ARID4A: variants seen among roughly 807,000 people sequenced by gnomAD.
The protein encoded by ARID4A is AT-rich interaction domain 4A.
In ARID4A, 39 loss-of-function variants were observed where a neutral mutation model predicts 148.6. That is an observed-to-expected ratio of 0.26 (90% CI 0.20 to 0.34). The LOEUF (loss-of-function observed/expected upper bound fraction) is 0.34, where lower values mean the gene tolerates loss of function less well. Ranked by LOEUF, ARID4A falls within the 10% of genes least tolerant of loss-of-function variation. The probability of loss-of-function intolerance (pLI) is 1.00; values close to 1 mark genes in which losing one functional copy is unlikely to be tolerated. For synonymous variants in ARID4A, 475 were observed against 481.2 expected (o/e 0.99, Z 0.17); for missense variants, 1,265 against 1,449.1 (o/e 0.87, Z 2.06).
chr14:58,355,894 C>T (rs187359176), intron 17 of ARID4A, among the ~76,000 whole-genome samples: 2 of 152,250 alleles, frequency 1.3e-5, no homozygotes, highest in East Asian at 3.9e-4. Context: ...CTTTATGACT[C>T]TTCTCAGCAG....
chr14:58,333,111 T>A (rs1042982621), intron 11 of ARID4A, among the ~76,000 whole-genome samples: 1 of 152,064 alleles, frequency 6.6e-6, no homozygotes, highest in Non-Finnish European at 1.5e-5. Context: ...AAGATATAGA[T>A]CTCATGCTGT....
chr14:58,309,225 A>C (rs756369169), intron 5 of ARID4A, among the ~76,000 whole-genome samples: 2 of 152,168 alleles, frequency 1.3e-5, no homozygotes, highest in African/African-American at 2.4e-5. Context: ...AAGCAGTCTT[A>C]CCGCCTTAGC....
At chr14:58,321,505 A>C (rs1284394050) in intron 7 of ARID4A, among the ~76,000 whole-genome samples, 1 of 152,146 alleles carries the variant, frequency 6.6e-6, no homozygotes, top group Non-Finnish European at 1.5e-5. Flanking sequence ...ACCTTCTGGC[A>C]TGACAAGGTA....
intron 5 of ARID4A, among the ~76,000 whole-genome samples, chr14:58,309,743 G>GT (rs897304784): frequency 6.6e-6 from 1 of 152,176 alleles, no homozygotes; most frequent in Non-Finnish European, 1.5e-5. Context: ...CATTTATCAA[G>GT]TTTAGCACTA....
chr14:58,311,906 CAG>C (rs1259981879), intron 5 of ARID4A, among the ~76,000 whole-genome samples: 1 of 61,560 alleles, frequency 1.6e-5, no homozygotes, highest in Non-Finnish European at 2.9e-5. Context: ...TGTTGGTTAT[CAG>C]GGGTGGGGGC....
At chr14:58,348,542 TCTTTC>T (rs2034483960) in intron 15 of ARID4A, among the ~76,000 whole-genome samples, 1 of 152,232 alleles carries the variant, frequency 6.6e-6, no homozygotes, top group African/African-American at 2.4e-5. Flanking sequence ...CTTTGCTCCT[TCTTTC>T]CTTTAATATA....
chr14:58,331,302 G>C (rs1426353028), intron 11 of ARID4A: 2 of 152,244 alleles, frequency 1.3e-5, no homozygotes, highest in Non-Finnish European at 2.9e-5. Flanking sequence ...AGGTTTGCCA[G>C]ATGCTTTGAA....
At chr14:58,319,378 G>A (rs1219583185) in intron 7 of ARID4A, among the ~76,000 whole-genome samples, 3 of 151,648 alleles carry the variant, frequency 2.0e-5, no homozygotes, top group Non-Finnish European at 2.9e-5. Context: ...GAGCCACTGC[G>A]CCAGGCCCAA....
Position 58,359,114 on chromosome 14 carries a change from T to A in ARID4A, c.1854-18T>A, listed in dbSNP as rs1472640314. The A allele has an allele frequency of 2.6e-6, 4 of 1,519,400 alleles. No homozygotes were observed. The highest frequency in any genetic ancestry group is 1.4e-5 in the African/African-American group (1 of 69,968). 94.1% of individuals were successfully genotyped at this position (1,519,400 alleles called of 1,614,324 possible). A position where few individuals can be genotyped will look rare whatever the true frequency, so the allele number is the denominator to read the frequency against. On this transcript the variant is annotated intron_variant, in intron 17 of 23. Coordinates refer to ENST00000355431, the MANE Select transcript of ARID4A (RefSeq NM_002892.4). ...ATAAAGTTTGTACAAACTCTTTTTT[T>A]TTTTTTTTTTTTTTAAGGTATGATG... is the stretch of plus-strand genomic sequence containing the variant.
chr14:58,356,859 G>A (rs2034891264), intron 17 of ARID4A, among the ~76,000 whole-genome samples: 1 of 151,918 alleles, frequency 6.6e-6, no homozygotes, highest in Non-Finnish European at 1.5e-5. Context: ...ACGCCACCAT[G>A]CCCAGCTAAT....
In ARID4A at chr14:58,347,684, A is replaced by T. The variant is rs139221235; in HGVS notation, c.1210A>T (p.Asn404Tyr). 1 of 1,612,312 alleles carries T rather than the reference A, an allele frequency of 6.2e-7. No individual in the cohort carries two copies. Among genetic ancestry groups the T allele is most frequent in the East Asian group, 2.2e-5 (1 of 44,810 alleles). Reference protein sequence around the residue: ...YGFEEYCRSANIQFRTVHHHE... With the variant: ...YGFEEYCRSAYIQFRTVHHHE... ...TTTTGAGGAGTACTGCCGTTCGGCAAATATTCAGTTCAGAACTGTTCATCA... is the reference window on the plus strand; with the variant it reads ...TTTTGAGGAGTACTGCCGTTCGGCATATATTCAGTTCAGAACTGTTCATCA... Residue 404 changes from asparagine to tyrosine, a missense_variant, in exon 15 of 24, where the codon AAT becomes TAT. Physicochemically the swap from Asn to Tyr is moderately radical, Grantham distance 143. Around this residue, in one of 9 missense-constraint regions of ARID4A, gnomAD observed 205 missense variants for 196.9 expected, o/e 1.04. Coordinates refer to ENST00000355431, the MANE Select transcript of ARID4A (RefSeq NM_002892.4).
At chr14:58,358,518 A>C (rs1047034064) in intron 17 of ARID4A, among the ~76,000 whole-genome samples, 2 of 152,144 alleles carry the variant, frequency 1.3e-5, no homozygotes, top group Non-Finnish European at 2.9e-5. Context: ...TTTTTAAGTA[A>C]ATGTTTAGGG....
At chr14:58,323,760 A>G in intron 8 of ARID4A, 143 bp downstream of exon 8, 1 of 676,834 alleles carries the variant, frequency 1.5e-6, no homozygotes. Context: ...AATCATAGTC[A>G]GGTCCATAAT....
intron 15 of ARID4A, 35 bp from the exon 16 acceptor site, chr14:58,351,038 G>A (rs745951336): frequency 6.4e-7 from 1 of 1,555,538 alleles, no homozygotes; most frequent in South Asian, 1.2e-5. Context: ...CCTTTATAGT[G>A]ATAGCTATTT....
At chr14:58,304,807 G>A (rs367868105) in intron 3 of ARID4A, 137 bp from the exon 4 acceptor site, 26 of 689,654 alleles carry the variant, frequency 3.8e-5, no homozygotes, top group East Asian at 2.9e-4. Flanking sequence ...ATAAGAGAAT[G>A]TAATAAGTAT....
At chr14:58,345,660 G>A (rs1278928722) in intron 12 of ARID4A, among the ~76,000 whole-genome samples, 1 of 149,550 alleles carries the variant, frequency 6.7e-6, no homozygotes, top group Admixed American at 6.6e-5. Context: ...TGTCAAAGTA[G>A]TGAAAGTGGA....
chr14:58,357,613 G>GT (rs1350905410), intron 17 of ARID4A, among the ~76,000 whole-genome samples: 24 of 116,084 alleles, frequency 2.1e-4, no homozygotes, highest in African/African-American at 6.3e-4. Flanking sequence ...TTTTTTGCAT[G>GT]GTTTTTTTTT....
rs1484976650 is a variant in ARID4A, at chr14:58,351,141, C to T, written c.1473C>T (p.Asp491=). 5 of 1,605,412 alleles carry T rather than the reference C, an allele frequency of 3.1e-6. No homozygotes were observed. The Admixed American group carries it at 8.6e-5, about 28-fold the overall frequency. Residue 491 remains aspartate (D), a synonymous_variant, in exon 16 of 24, where the codon GAC becomes GAT. Coordinates refer to ENST00000355431, the MANE Select transcript of ARID4A (RefSeq NM_002892.4). ...KKEIEEEKTE[D]KLKDNDTENK... is the part of the protein sequence containing the mutation. ...AAATTGAAGAAGAGAAAACAGAAGACAAATTAAAAGATAATGATACAGAAA... is the reference window on the plus strand; with the variant it reads ...AAATTGAAGAAGAGAAAACAGAAGATAAATTAAAAGATAATGATACAGAAA...
intron 20 of ARID4A, 54 bp from the exon 21 acceptor site, chr14:58,365,464 G>GCC: frequency 1.1e-6 from 1 of 909,372 alleles, no homozygotes; most frequent in Non-Finnish European, 1.5e-6. Flanking sequence ...TAATATACTT[G>GCC]CTCTTTTTTT....
Sources: gnomAD v4.1 joint callset for allele counts (sites outside exome capture counted in the v4.1 genomes callset) on GRCh38, gnomAD v4.1.1 for gene constraint, gnomAD v4.1.1 regional missense constraint, MANE v1.5 for transcripts, NCBI Gene and HGNC (gene_info 2026-07-23, HGNC 2026-07-21) for gene names.